GPSM1: variants seen among roughly 807,000 people sequenced by gnomAD.
GPSM1 encodes G protein-signaling modulator 1.
In GPSM1, 48 loss-of-function variants were observed where a neutral mutation model predicts 70.5. That is an observed-to-expected ratio of 0.68 (90% CI 0.54 to 0.87). GPSM1 has a LOEUF of 0.87. GPSM1 is among the 40% of genes least tolerant of loss of function. GPSM1 has a pLI of 0.00. For synonymous variants in GPSM1, 416 were observed against 430.1 expected, an observed-to-expected ratio of 0.97 and a Z score of 0.41; for missense variants, 981 against 972.6, an observed-to-expected ratio of 1.01 and a Z score of -0.11.
At chr9:136,351,829 G>A (rs548075039) in intron 11 of GPSM1, among the ~76,000 whole-genome samples, 2 of 152,360 alleles carry the variant, frequency 1.3e-5, no homozygotes, top group Admixed American at 6.5e-5. Context: ...CTGCTGACCT[G>A]AACCCCACTG....
intron 3 of GPSM1, 104 bp downstream of exon 3, chr9:136,336,205 A>T (rs1832231431): frequency 1.5e-6 from 2 of 1,316,310 alleles, no homozygotes; most frequent in Non-Finnish European, 2.1e-6. Context: ...CCAGCTCCTC[A>T]TGGGAGGGAT....
Position 136,349,779 on chromosome 9 carries a change from G to T in GPSM1, c.1455+16G>T. The T allele has an allele frequency of 6.4e-7, 1 of 1,551,900 alleles. No individual in the cohort carries two copies. Among genetic ancestry groups the T allele is most frequent in the Non-Finnish European group, 8.7e-7 (1 of 1,148,824 alleles). ...GCCACGCACGGTAGGCGTCTTTGAC[G>T]GCAGATCCAGGCCGAGAGGGAGGAG... On this transcript the variant is annotated intron_variant, in intron 11 of 13. Coordinates refer to ENST00000440944, the MANE Select transcript of GPSM1 (RefSeq NM_001145638.3).
rs1322353209 is a variant in GPSM1, at chr9:136,343,438, G to A, written c.1207+2445G>A. On this transcript the variant is annotated intron_variant, in intron 9 of 13. Transcript: ENST00000440944. This position sits in a 1 kb window ranked among gnomAD's most constrained non-coding sequence, Gnocchi z 6.0. Reference sequence around the variant, plus strand: ...TCCCACAGGATGTGCGACTGCCCTCGGCCCTGCTGACCGTACTTCTCAGCC... The same window carrying A: ...TCCCACAGGATGTGCGACTGCCCTCAGCCCTGCTGACCGTACTTCTCAGCC... 1.3e-5 allele frequency among the ~76,000 whole-genome samples: 2 copies of A among 152,232 alleles called. No individual in the cohort carries two copies. Among genetic ancestry groups the A allele is most frequent in the Admixed American group, 6.5e-5 (1 of 15,288 alleles).
rs1554768073 is a variant in GPSM1, at chr9:136,327,770, C to CGGGCCA, written c.68+12_68+13insAGGGCC. 11 of 1,095,658 alleles carry CGGGCCA rather than the reference C, an allele frequency of 1.0e-5. No homozygotes were observed. The highest frequency in any genetic ancestry group is 6.8e-6 in the Non-Finnish European group (6 of 877,694). 67.9% of individuals were successfully genotyped at this position (1,095,658 alleles called of 1,614,324 possible). A position where few individuals can be genotyped will look rare whatever the true frequency, so the allele number is the denominator to read the frequency against. On this transcript the variant is annotated splice_region_variant and intron_variant, in intron 1 of 13. Transcript: ENST00000440944. ...CCAGGCGCCTCTACTCCAGGTAGGA[C>CGGGCCA]GGGCCGGGGCCGGGGCCGGGGCCGG...
Position 136,356,580 on chromosome 9 carries a change from C to T in GPSM1, c.1821+30C>T, listed in dbSNP as rs781783321. On this transcript the variant is annotated intron_variant, in intron 13 of 13. Coordinates refer to ENST00000440944, the MANE Select transcript of GPSM1 (RefSeq NM_001145638.3). ...GCTGCGGCCCTGGGCGGGCGTGGCT[C>T]GCGGCCCCTTTGCCATCCACGTGTG... The T allele has an allele frequency of 1.6e-5, 24 of 1,544,656 alleles. No individual in the cohort carries two copies. In the African/African-American group the frequency reaches 2.6e-4, roughly 17 times the overall value.
Position 136,327,558 on chromosome 9 carries a change from G to A in GPSM1, c.-138G>A, listed in dbSNP as rs575324588. On this transcript the variant is annotated 5_prime_UTR_variant, in exon 1 of 14. Coordinates refer to ENST00000440944, the MANE Select transcript of GPSM1 (RefSeq NM_001145638.3). ...CACATCACTTCCTCGGCGCCTCCCC[G>A]GGGGAGGACGGGCGAACGAGGCGCG... is the stretch of plus-strand genomic sequence containing the variant. 1,067 of 187,158 alleles carry A rather than the reference G, an allele frequency of 5.7e-3. 16 individuals are homozygous for A. The highest frequency in any genetic ancestry group is 0.022 in the South Asian group (117 of 5,322). 11.6% of individuals were successfully genotyped at this position (187,158 alleles called of 1,614,324 possible).
intron 9 of GPSM1, among the ~76,000 whole-genome samples, chr9:136,346,217 C>T (rs1832518858): frequency 6.6e-6 from 1 of 152,190 alleles, no homozygotes; most frequent in Non-Finnish European, 1.5e-5. Flanking sequence ...GCCAGGGAAG[C>T]GCACAGCCCA....
In GPSM1 at chr9:136,341,188, A is replaced by G. The variant is rs1314916379; in HGVS notation, c.1207+195A>G. The G allele has an allele frequency of 9.7e-6, 15 of 1,546,178 alleles. No individual in the cohort carries two copies. Among genetic ancestry groups the G allele is most frequent in the Non-Finnish European group, 1.3e-5 (15 of 1,144,886 alleles). ...TTCACCCTGAGCCCTTCCCACCCGC[A>G]TCCTGAGTGGCGCTGCAGGGCTGCT... On this transcript the variant is annotated intron_variant, in intron 9 of 13. Coordinates refer to ENST00000440944, the MANE Select transcript of GPSM1 (RefSeq NM_001145638.3). The surrounding 1 kb of genome is among the most constrained non-coding windows in gnomAD (Gnocchi z 6.7).
At chr9:136,354,380 G>C (rs1284986289) in intron 11 of GPSM1, among the ~76,000 whole-genome samples, 3 of 152,174 alleles carry the variant, frequency 2.0e-5, no homozygotes. Context: ...CCAGTTGTCT[G>C]TCAGACAGCT....
At position 136,341,973 on chromosome 9, in the gene GPSM1, A is replaced by T. The variant is rs145738992; in HGVS notation, c.1207+980A>T. 356 of 175,308 alleles carry T rather than the reference A, an allele frequency of 2.0e-3. No individual in the cohort carries two copies. The highest frequency in any genetic ancestry group is 3.4e-3 in the Non-Finnish European group (304 of 89,126). The allele number at this position is 175,308 out of a possible 1,614,324, so 10.9% of individuals were successfully genotyped here. A position where few individuals can be genotyped will look rare whatever the true frequency, so the allele number is the denominator to read the frequency against. ...GCCATCCCCTGGGTTTTTGTGCCACAGTGCTCATGGGTTTCTGACGATGAC... is the reference window on the plus strand; with the variant it reads ...GCCATCCCCTGGGTTTTTGTGCCACTGTGCTCATGGGTTTCTGACGATGAC... On this transcript the variant is annotated intron_variant, in intron 9 of 13. Coordinates refer to ENST00000440944, the MANE Select transcript of GPSM1 (RefSeq NM_001145638.3). The surrounding 1 kb of genome is among the most constrained non-coding windows in gnomAD (Gnocchi z 6.7).
Position 136,337,519 on chromosome 9 carries a change from C to G in GPSM1, c.657C>G (p.His219Gln), listed in dbSNP as rs1273877864. 1 of 1,560,730 alleles carries G rather than the reference C, an allele frequency of 6.4e-7. No homozygotes were observed. Among genetic ancestry groups the G allele is most frequent in the South Asian group, 1.2e-5 (1 of 84,706 alleles). Residue 219 changes from histidine to glutamine, a missense_variant, in exon 5 of 14, where the codon CAC becomes CAG. Physicochemically the swap from His to Gln is conservative, Grantham distance 24. Transcript: ENST00000440944. ...GRAYGNLGNT[H>Q]YLLGNFTEAT... ...CCTACGGCAACCTGGGCAACACCCA[C>G]TATTTGTTGGGGAACTTCACAGAGG...
chr9:136,356,678 C>T, intron 13 of GPSM1, 128 bp downstream of exon 13: 3 of 675,634 alleles, frequency 4.4e-6, no homozygotes, highest in Non-Finnish European at 7.6e-6. Context: ...TGAGGGACTC[C>T]TGGGGGACTC....
intron 12 of GPSM1, 152 bp downstream of exon 12, chr9:136,355,998 C>G (rs1554773056): frequency 1.5e-6 from 1 of 650,116 alleles, no homozygotes; most frequent in African/African-American, 1.8e-5. Flanking sequence ...TCCGCAGCCC[C>G]CACAGAGCAG....
rs191456132 is a variant in GPSM1, at chr9:136,340,375, G to A, written c.1084-495G>A. On this transcript the variant is annotated intron_variant, in intron 8 of 13. Coordinates refer to ENST00000440944, the MANE Select transcript of GPSM1 (RefSeq NM_001145638.3). This position sits in a 1 kb window ranked among gnomAD's most constrained non-coding sequence, Gnocchi z 7.3. ...CACTGGCAGCCAGCAGGCAGCCCCC[G>A]TGTCCCTCTGAGTGCAGGCTACAGC... Among the ~76,000 whole-genome samples, 63 of 152,090 alleles carry A rather than the reference G, an allele frequency of 4.1e-4. No individual in the cohort carries two copies. The highest frequency in any genetic ancestry group is 7.8e-4 in the Admixed American group (12 of 15,290).
chr9:136,332,038 T>C, intron 1 of GPSM1: 1 of 398,758 alleles, frequency 2.5e-6, no homozygotes, highest in East Asian at 3.6e-5. Flanking sequence ...GGCCCGCCTC[T>C]GGCCCTGAGC....
intron 9 of GPSM1, among the ~76,000 whole-genome samples, chr9:136,346,773 G>C (rs1406233972): frequency 1.3e-5 from 2 of 152,224 alleles, no homozygotes; most frequent in African/African-American, 2.4e-5. Context: ...TGCTGAGGCT[G>C]GGGTCAGGGG....
Position 136,358,439 on chromosome 9 carries a change from T to C in GPSM1, c.*219T>C. The C allele has an allele frequency of 1.8e-6, 1 of 568,880 alleles. No homozygotes were observed. Among genetic ancestry groups the C allele is most frequent in the Non-Finnish European group, 3.1e-6 (1 of 327,056 alleles). The allele number at this position is 568,880 out of a possible 1,614,324, so 35.2% of individuals were successfully genotyped here. On this transcript the variant is annotated 3_prime_UTR_variant, in exon 14 of 14. Transcript: ENST00000440944. ...CCCCATGGCCCTCAGCTTCCTCCCT[T>C]CTGCCCCTGCCGCAGGCCGGACGGG...
In GPSM1 at chr9:136,340,974, G is replaced by A. The variant is rs1554770152; in HGVS notation, c.1188G>A (p.Leu396=). 1 of 1,564,266 alleles carries A rather than the reference G, an allele frequency of 6.4e-7. No homozygotes were observed. Among genetic ancestry groups the A allele is most frequent in the East Asian group, 2.4e-5 (1 of 42,108 alleles). ...TSPAASEKPD[L]AGYEAQGARP... ...CGGCAGCCTCAGAGAAGCCTGACCT[G>A]GCCGGCTATGAGGCCCAGGGTGAGT... Residue 396 remains leucine, a synonymous_variant, in exon 9 of 14, where the codon CTG becomes CTA. Transcript: ENST00000440944. This position sits in a 1 kb window ranked among gnomAD's most constrained non-coding sequence, Gnocchi z 7.3.
intron 9 of GPSM1, among the ~76,000 whole-genome samples, chr9:136,344,931 C>T (rs1832484657): frequency 6.6e-6 from 1 of 152,206 alleles, no homozygotes; most frequent in Admixed American, 6.5e-5. Flanking sequence ...CCCCATGGTC[C>T]TTGCATGGAG....
Sources: gnomAD v4.1 joint callset for allele counts (sites outside exome capture counted in the v4.1 genomes callset) on GRCh38, gnomAD v4.1.1 for gene constraint, Gnocchi (gnomAD v3.1) non-coding constraint, MANE v1.5 for transcripts, NCBI Gene and HGNC (gene_info 2026-07-23, HGNC 2026-07-21) for gene names.